The following DAB1 variants were observed in gnomAD, a reference collection of about 807,000 sequenced individuals.
DAB1 encodes the protein DAB adaptor protein 1, also known as disabled homolog 1.
Under a neutral mutation model 64.6 loss-of-function variants are expected in DAB1, and 15 were observed. That is an observed-to-expected ratio of 0.23 (90% CI 0.16 to 0.36). The LOEUF is 0.36. Ranked by LOEUF, DAB1 falls within the 10% of genes least tolerant of loss-of-function variation. The pLI is 1.00. For missense variants in DAB1, 596 were observed against 706.7 expected, an observed-to-expected ratio of 0.84 and a Z score of 1.78; for synonymous variants, 235 against 251.9, an observed-to-expected ratio of 0.93 and a Z score of 0.64.
At chr1:57,189,218 T>C (rs192626682) in intron 2 of DAB1, among the ~76,000 whole-genome samples, 8 of 152,262 alleles carry the variant, frequency 5.3e-5, no homozygotes, top group African/African-American at 1.9e-4. Flanking sequence ...ATCCAAGTGG[T>C]TTCACCACAA....
At chr1:57,608,512 G>A (rs904694991) in intron 7 of DAB1, among the ~76,000 whole-genome samples, 7 of 152,142 alleles carry the variant, frequency 4.6e-5, no homozygotes, top group Non-Finnish European at 7.4e-5. Context: ...TTGGCAGGCC[G>A]TGAGTAAAAA....
chr1:57,516,621 A>G (rs1006125288), intron 7 of DAB1, among the ~76,000 whole-genome samples: 4 of 152,222 alleles, frequency 2.6e-5, no homozygotes, highest in Admixed American at 2.6e-4. Flanking sequence ...CCAATTTCCT[A>G]CAGAATGAAG....
rs567039024 is a variant in DAB1 at position 57,110,196 on chromosome 1, A to G, written c.306+26347T>C. Reference sequence around the variant, plus strand: ...TAGGAATAAAAACATGAGCGAGACCAGTCTCTGCCACCATTTACAAACAAA... The same window carrying G: ...TAGGAATAAAAACATGAGCGAGACCGGTCTCTGCCACCATTTACAAACAAA... On this transcript the variant is annotated intron_variant, in intron 4 of 14. Transcript: ENST00000371236. 5.3e-4 allele frequency among the ~76,000 whole-genome samples: 81 copies of G among 152,356 alleles called. No individual in the cohort carries two copies. The South Asian group carries it at 8.3e-3, about 16-fold the overall frequency.
At chr1:57,058,655 T>C (rs181076870) in intron 9 of DAB1, among the ~76,000 whole-genome samples, 367 of 152,318 alleles carry the variant, frequency 2.4e-3, no homozygotes, top group South Asian at 7.5e-3. Flanking sequence ...ATCACTGTTA[T>C]TAATCTAAAC....
intron 4 of DAB1, among the ~76,000 whole-genome samples, chr1:57,106,126 T>C (rs1455726188): frequency 6.6e-6 from 1 of 152,184 alleles, no homozygotes; most frequent in Non-Finnish European, 1.5e-5. Context: ...TCTCCCTTTC[T>C]CTTAGGCAAC....
At chr1:58,146,704 A>G (rs1165392914) in intron 5 of DAB1, among the ~76,000 whole-genome samples, 1 of 144,884 alleles carries the variant, frequency 6.9e-6, no homozygotes, top group Non-Finnish European at 1.5e-5. Context: ...GCTGAATAGT[A>G]TTCCATTTAT....
chr1:58,028,165 T>G (rs6587794), intron 5 of DAB1, among the ~76,000 whole-genome samples: 62,559 of 152,014 alleles, frequency 0.41, 13,123 homozygotes, highest in Non-Finnish European at 0.45. Flanking sequence ...GATTATTATC[T>G]GCAGTAGCTA....
At chr1:57,439,020 A>T (rs1252163755) in intron 7 of DAB1, among the ~76,000 whole-genome samples, 1 of 152,208 alleles carries the variant, frequency 6.6e-6, no homozygotes, top group Non-Finnish European at 1.5e-5. Flanking sequence ...GTCAGTCAAC[A>T]CATTCCATCT....
At chr1:58,198,622 A>G (rs1305645877) in intron 4 of DAB1, among the ~76,000 whole-genome samples, 2 of 152,204 alleles carry the variant, frequency 1.3e-5, no homozygotes, top group African/African-American at 4.8e-5. Context: ...TTCTGATAGA[A>G]TTGATTCAGA....
At chr1:58,020,099 C>T (rs970816927) in intron 5 of DAB1, among the ~76,000 whole-genome samples, 1 of 152,166 alleles carries the variant, frequency 6.6e-6, no homozygotes, top group Non-Finnish European at 1.5e-5. Flanking sequence ...CCCTCTAGAA[C>T]CACAGAATTA....
intron 1 of DAB1, among the ~76,000 whole-genome samples, chr1:57,881,344 T>C (rs959024630): frequency 1.3e-5 from 2 of 152,206 alleles, no homozygotes; most frequent in Non-Finnish European, 2.9e-5. Flanking sequence ...TCCAGAGACT[T>C]TCTAACAGTC....
intron 6 of DAB1, among the ~76,000 whole-genome samples, chr1:57,803,959 A>G (rs1242742551): frequency 6.6e-6 from 1 of 152,192 alleles, no homozygotes; most frequent in East Asian, 1.9e-4. Context: ...AATGTGCTGC[A>G]TGTAAAAAAG....
intron 7 of DAB1, among the ~76,000 whole-genome samples, chr1:57,563,018 T>C (rs1645071199): frequency 6.6e-6 from 1 of 152,022 alleles, no homozygotes; most frequent in South Asian, 2.1e-4. Context: ...GTGATTAAGG[T>C]CAATGGGAAA....
At chr1:58,481,152 C>T in intron 3 of DAB1, 3 of 852,026 alleles carry the variant, frequency 3.5e-6, no homozygotes, top group Non-Finnish European at 6.1e-6. Context: ...TGGACAATTA[C>T]ACATCTCTCT....
At chr1:58,333,346 G>A (rs1663020137) in intron 4 of DAB1, among the ~76,000 whole-genome samples, 1 of 151,964 alleles carries the variant, frequency 6.6e-6, no homozygotes, top group South Asian at 2.1e-4. Flanking sequence ...GAAAGAAACA[G>A]TTCCCAGAAA....
intron 3 of DAB1, among the ~76,000 whole-genome samples, chr1:58,431,571 A>G (rs1206529359): frequency 6.6e-6 from 1 of 151,732 alleles, no homozygotes; most frequent in Non-Finnish European, 1.5e-5. Flanking sequence ...AAAAAAAAAA[A>G]AAAAAAAGGG....
chr1:58,430,854 T>C (rs1644863252), intron 3 of DAB1, among the ~76,000 whole-genome samples: 1 of 152,206 alleles, frequency 6.6e-6, no homozygotes, highest in Non-Finnish European at 1.5e-5. Context: ...GCTAAACCTG[T>C]GGCTCAGTGT....
intron 6 of DAB1, among the ~76,000 whole-genome samples, chr1:57,702,132 A>G (rs1646915361): frequency 6.6e-6 from 1 of 151,972 alleles, no homozygotes; most frequent in African/African-American, 2.4e-5. Flanking sequence ...CTGGCTTGTT[A>G]TATTTTTTTC....
chr1:58,122,130 G>A (rs1039836312), intron 5 of DAB1, among the ~76,000 whole-genome samples: 3 of 152,124 alleles, frequency 2.0e-5, no homozygotes, highest in Non-Finnish European at 4.4e-5. Context: ...ACTGTTTATT[G>A]TACCATACCA....
Sources: gnomAD v4.1 joint callset for allele counts (sites outside exome capture counted in the v4.1 genomes callset) on GRCh38, gnomAD v4.1.1 for gene constraint, MANE v1.5 for transcripts, NCBI Gene and HGNC (gene_info 2026-07-23, HGNC 2026-07-21) for gene names.